AFF1: variants seen among roughly 807,000 people sequenced by gnomAD.
AFF1 encodes the protein AF4/FMR2 family member 1.
In AFF1, 48 loss-of-function variants were observed where a neutral mutation model predicts 121.7. The ratio of observed to expected loss-of-function variants is 0.39; its 90% CI spans 0.31 to 0.50. The LOEUF (loss-of-function observed/expected upper bound fraction) is 0.50, where lower values mean the gene tolerates loss of function less well. AFF1 is among the 20% of genes least tolerant of loss of function. AFF1 has a pLI of 0.76. For synonymous variants in AFF1, 613 were observed against 563.0 expected, an observed-to-expected ratio of 1.09 and a Z score of -1.26; for missense variants, 1,523 against 1,511.7, an observed-to-expected ratio of 1.01 and a Z score of -0.12.
intron 4 of AFF1, among the ~76,000 whole-genome samples, chr4:87,064,751 T>C (rs2149662034): frequency 6.6e-6 from 1 of 151,806 alleles, no homozygotes; most frequent in African/African-American, 2.4e-5. Flanking sequence ...TGGTGGTGGG[T>C]GCCTGTAATC....
rs1230729332 is a variant in AFF1, at chr4:87,139,861, CTT to C, written c.*4161_*4162del. The C allele has an allele frequency of 4.5e-6, 1 of 223,958 alleles. No homozygotes were observed. Among genetic ancestry groups the C allele is most frequent in the African/African-American group, 2.2e-5 (1 of 44,740 alleles). The allele number at this position is 223,958 out of a possible 1,614,324, so 13.9% of individuals were successfully genotyped here. On this transcript the variant is annotated 3_prime_UTR_variant, in exon 21 of 21. Coordinates refer to ENST00000395146, the MANE Select transcript of AFF1 (RefSeq NM_001166693.3). ...TCTCGGTGACTTGGAGTGTTCATCT[CTT>C]CATGAATTGTGAGCACTGACCATGT...
chr4:87,108,480 A>G (rs138774804), intron 11 of AFF1, among the ~76,000 whole-genome samples, 165 bp downstream of exon 11: 30 of 152,128 alleles, frequency 2.0e-4, no homozygotes, highest in African/African-American at 6.3e-4. Context: ...GTTTCTATTT[A>G]TTTGCTTCTT....
intron 12 of AFF1, 29 bp downstream of exon 12, chr4:87,115,328 A>G (rs369133163): frequency 3.3e-6 from 5 of 1,522,362 alleles, no homozygotes; most frequent in Non-Finnish European, 4.4e-6. Flanking sequence ...CCCTGACTCC[A>G]GCGTGGACCA....
At chr4:87,127,450 A>G (rs1728394250) in intron 15 of AFF1, among the ~76,000 whole-genome samples, 193 bp from the exon 16 acceptor site, 1 of 152,118 alleles carries the variant, frequency 6.6e-6, no homozygotes, top group Non-Finnish European at 1.5e-5. Context: ...GGCGTGAGCC[A>G]CTGCACCCAG....
rs61071328 is a variant in AFF1, at chr4:87,013,032, C to CTTTTTTTTTTTTT, written c.39-33120_39-33108dup. Among the ~76,000 whole-genome samples, 180 of 93,476 alleles carry CTTTTTTTTTTTTT rather than the reference C, an allele frequency of 1.9e-3. 9 individuals carry two copies. The highest frequency in any genetic ancestry group is 2.4e-3 in the Non-Finnish European group (121 of 49,452). 61.3% of individuals were successfully genotyped at this position (93,476 alleles called of 152,430 possible). ...AACCAGATTGAACTGCTATCAAGTT[C>CTTTTTTTTTTTTT]TTTTTTTTTTTTTTTTTTTTTTTTT... is the stretch of plus-strand genomic sequence containing the variant. On this transcript the variant is annotated intron_variant, in intron 2 of 20. Transcript: ENST00000395146.
rs561104825 is a variant in AFF1, at chr4:87,107,606, T to C, written c.1377-553T>C. On this transcript the variant is annotated intron_variant, in intron 10 of 20. Coordinates refer to ENST00000395146, the MANE Select transcript of AFF1 (RefSeq NM_001166693.3). ...CCACCCAGTTCTTGTTTAGAGAATA[T>C]AGGGAGATTTTAACTTACTGGCTTT... Among the ~76,000 whole-genome samples the C allele has an allele frequency of 2.7e-3, 417 of 152,330 alleles. 3 individuals carry two copies. Among genetic ancestry groups the C allele is most frequent in the African/African-American group, 9.6e-3 (399 of 41,576 alleles).
intron 4 of AFF1, among the ~76,000 whole-genome samples, chr4:87,063,529 G>A (rs751610189): frequency 5.9e-5 from 9 of 152,042 alleles, no homozygotes; most frequent in Non-Finnish European, 1.0e-4. Context: ...GTGAGCCACC[G>A]CGCCCGGCCA....
chr4:87,131,255 C>G, intron 17 of AFF1, 36 bp downstream of exon 17: 5 of 1,609,686 alleles, frequency 3.1e-6, no homozygotes, highest in South Asian at 1.1e-5. Flanking sequence ...CTCTTAAGTC[C>G]TTTTCTTTCC....
At chr4:87,092,763 A>G (rs1465178558) in intron 7 of AFF1, among the ~76,000 whole-genome samples, 1 of 152,260 alleles carries the variant, frequency 6.6e-6, no homozygotes, top group Non-Finnish European at 1.5e-5. Flanking sequence ...AAATGCAGAT[A>G]AATAAACCCG....
intron 2 of AFF1, among the ~76,000 whole-genome samples, chr4:86,987,966 A>G (rs1036856259): frequency 1.0e-4 from 15 of 147,920 alleles, no homozygotes; most frequent in East Asian, 4.0e-4. Context: ...AAAAAAAATT[A>G]TCCAATTTTA....
intron 2 of AFF1, among the ~76,000 whole-genome samples, chr4:87,013,048 T>TTTTTTTTTG: frequency 7.5e-6 from 1 of 134,044 alleles, no homozygotes; most frequent in Non-Finnish European, 1.6e-5. Flanking sequence ...TTTTTTTTTT[T>TTTTTTTTTG]TTTTTTTTTT....
rs557093726 is a variant in AFF1, at chr4:87,043,851, C to T, written c.39-2315C>T. Among the ~76,000 whole-genome samples, 61 of 151,958 alleles carry T rather than the reference C, an allele frequency of 4.0e-4. 1 individual carries two copies. The highest frequency in any genetic ancestry group is 3.9e-3 in the East Asian group (20 of 5,174). ...TTTTTTTTTTTGAGACGGAGTCTCG[C>T]GCTGTTGCCCCGGCTGGAGTACAGT... is the stretch of plus-strand genomic sequence containing the variant. On this transcript the variant is annotated intron_variant, in intron 2 of 20. Coordinates refer to ENST00000395146, the MANE Select transcript of AFF1 (RefSeq NM_001166693.3).
rs1728239725 is a variant in AFF1 at position 87,126,293 on chromosome 4, G to A, written c.2768G>A (p.Arg923Lys). The part of the protein sequence containing the change: ...NHKDSSIPKQ[R>K]RVEGKGSRSS... ...AAAGACTCTTCCATTCCCAAGCAGA[G>A]AAGAGTAGAGGGGAAGGGCTCCAGA... Residue 923 changes from arginine to lysine, a missense_variant, in exon 14 of 21, where the codon AGA (arginine) becomes AAA (lysine). By Grantham distance (26) the Arg-to-Lys change is conservative. This residue lies in a region of AFF1 where 905 missense variants were observed against 842.5 expected (regional missense o/e 1.07). Transcript: ENST00000395146. 6.2e-7 allele frequency: 1 copy of A among 1,614,118 alleles called. No individual in the cohort carries two copies. Among genetic ancestry groups the A allele is most frequent in the Non-Finnish European group, 8.5e-7 (1 of 1,180,024 alleles).
chr4:87,004,742 A>C (rs1725965340), intron 2 of AFF1, among the ~76,000 whole-genome samples: 1 of 152,232 alleles, frequency 6.6e-6, no homozygotes, highest in Non-Finnish European at 1.5e-5. Context: ...CCCAACCCAA[A>C]CAGATTGAAT....
At chr4:86,986,945 G>GATCC (rs1174302736) in intron 2 of AFF1, among the ~76,000 whole-genome samples, 1 of 151,914 alleles carries the variant, frequency 6.6e-6, no homozygotes, top group African/African-American at 2.4e-5. Context: ...GGGTACAAGT[G>GATCC]ATCCTCTGGC....
In AFF1 at chr4:87,135,950, A is replaced by G. The variant is rs1442082307; in HGVS notation, c.*249A>G. The stretch of plus-strand genomic sequence containing the variant: ...CTTGCCCTTCCTAACTAAAGGACAG[A>G]AGTGCAATTTAGCTTAAATGGGTGT... On this transcript the variant is annotated 3_prime_UTR_variant, in exon 21 of 21. Coordinates refer to ENST00000395146, the MANE Select transcript of AFF1 (RefSeq NM_001166693.3). 1.1e-5 allele frequency: 5 copies of G among 463,636 alleles called. No individual in the cohort carries two copies. Among genetic ancestry groups the G allele is most frequent in the Non-Finnish European group, 1.8e-5 (5 of 283,158 alleles). The allele number at this position is 463,636 out of a possible 1,614,324, so 28.7% of individuals were successfully genotyped here. A position where few individuals can be genotyped will look rare whatever the true frequency, so the allele number is the denominator to read the frequency against.
At chr4:87,036,277 A>T (rs1276998832) in intron 2 of AFF1, among the ~76,000 whole-genome samples, 1 of 152,192 alleles carries the variant, frequency 6.6e-6, no homozygotes, top group Non-Finnish European at 1.5e-5. Flanking sequence ...ACTTGACATC[A>T]GTCTCAGGGA....
At chr4:86,951,767 A>G (rs552484395) in intron 2 of AFF1, among the ~76,000 whole-genome samples, 138 of 151,510 alleles carry the variant, frequency 9.1e-4, no homozygotes, top group Admixed American at 1.8e-3. Context: ...GACTACAGGC[A>G]CACCATGCCC....
chr4:86,943,588 GC>G (rs1385714170), intron 1 of AFF1, among the ~76,000 whole-genome samples: 1 of 152,168 alleles, frequency 6.6e-6, no homozygotes, highest in East Asian at 1.9e-4. Context: ...CCCAGGCTGG[GC>G]TCAGTCGCTC....
Sources: gnomAD v4.1 joint callset for allele counts (sites outside exome capture counted in the v4.1 genomes callset) on GRCh38, gnomAD v4.1.1 for gene constraint, gnomAD v4.1.1 regional missense constraint, MANE v1.5 for transcripts, NCBI Gene and HGNC (gene_info 2026-07-23, HGNC 2026-07-21) for gene names.